SMYD3: variants seen among roughly 807,000 people sequenced by gnomAD.
SMYD3 encodes the protein SET and MYND domain containing 3, also known as histone-lysine N-methyltransferase SMYD3.
In SMYD3, 36 loss-of-function variants were observed where a neutral mutation model predicts 57.7. The observed-to-expected ratio is 0.62, with a 90% CI of 0.48 to 0.82. The LOEUF (loss-of-function observed/expected upper bound fraction) is 0.82. Ranked by LOEUF, SMYD3 falls within the 40% of genes least tolerant of loss-of-function variation. The probability of loss-of-function intolerance (pLI) is 0.00; values close to 1 mark genes in which losing one functional copy is unlikely to be tolerated. For missense variants in SMYD3, 515 were observed against 538.8 expected (o/e 0.96, Z 0.44); for synonymous variants, 211 against 195.0 (o/e 1.08, Z -0.68).
intron 8 of SMYD3, among the ~76,000 whole-genome samples, chr1:245,903,157 G>A (rs2054307153): frequency 1.3e-5 from 2 of 152,068 alleles, no homozygotes. Flanking sequence ...GAACCAAAGA[G>A]AAATCCTAAG....
rs572592790 is a variant in SMYD3 at position 246,489,148 on chromosome 1, C to A, written c.164+17906G>T. Among the ~76,000 whole-genome samples the A allele has an allele frequency of 3.9e-4, 60 of 152,200 alleles. No individual in the cohort carries two copies. The East Asian group carries it at 8.5e-3, about 22-fold the overall frequency. On this transcript the variant is annotated intron_variant, in intron 1 of 11. Coordinates refer to ENST00000490107, the MANE Select transcript of SMYD3 (RefSeq NM_001167740.2). ...GATCACGAGGTCAAGAGATTGAGAT[C>A]ATCCTGGCTAACATGGTGACACCCC... is the stretch of plus-strand genomic sequence containing the variant.
At chr1:246,352,163 A>AAAAAAC (rs2065841841) in intron 2 of SMYD3, among the ~76,000 whole-genome samples, 2 of 136,868 alleles carry the variant, frequency 1.5e-5, no homozygotes, top group Non-Finnish European at 3.2e-5. Flanking sequence ...AAAAAAAAAA[A>AAAAAAC]CATAAAGAAA....
intron 1 of SMYD3, among the ~76,000 whole-genome samples, chr1:246,416,256 C>A (rs571629024): frequency 1.3e-5 from 2 of 152,100 alleles, no homozygotes; most frequent in Non-Finnish European, 2.9e-5. Flanking sequence ...CTTACCCATG[C>A]GGTGTCACTA....
At chr1:245,876,996 G>A (rs2052523795) in intron 8 of SMYD3, among the ~76,000 whole-genome samples, 1 of 152,134 alleles carries the variant, frequency 6.6e-6, no homozygotes, top group Admixed American at 6.5e-5. Flanking sequence ...CGGAGAAGAG[G>A]ATGCATGAGT....
intron 5 of SMYD3, among the ~76,000 whole-genome samples, chr1:246,272,415 T>A (rs1312977370): frequency 6.6e-6 from 1 of 152,222 alleles, no homozygotes; most frequent in East Asian, 1.9e-4. Context: ...CTATGGGTTT[T>A]TCATATATGG....
chr1:245,865,779 G>A (rs1572544855), intron 8 of SMYD3, among the ~76,000 whole-genome samples: 1 of 152,194 alleles, frequency 6.6e-6, no homozygotes, highest in African/African-American at 2.4e-5. Context: ...ATGCGGCTGT[G>A]GCTACCACAC....
chr1:246,416,685 G>A (rs899035722), intron 1 of SMYD3, among the ~76,000 whole-genome samples: 5 of 152,076 alleles, frequency 3.3e-5, no homozygotes, highest in African/African-American at 1.2e-4. Context: ...TATTATTGGG[G>A]CTCAGAAAAT....
intron 5 of SMYD3, among the ~76,000 whole-genome samples, chr1:246,285,733 C>T (rs1349898881): frequency 1.3e-5 from 2 of 152,110 alleles, no homozygotes; most frequent in African/African-American, 2.4e-5. Context: ...AAAATCTTCA[C>T]AATCTATACA....
At chr1:245,978,878 T>C (rs963709924) in intron 5 of SMYD3, among the ~76,000 whole-genome samples, 2 of 152,164 alleles carry the variant, frequency 1.3e-5, no homozygotes, top group Admixed American at 1.3e-4. Flanking sequence ...TTCCACCTTA[T>C]TGATAATGAA....
At chr1:246,124,642 T>C (rs2061477074) in intron 5 of SMYD3, among the ~76,000 whole-genome samples, 1 of 151,454 alleles carries the variant, frequency 6.6e-6, no homozygotes, top group Non-Finnish European at 1.5e-5. Flanking sequence ...AGTAAAAGAG[T>C]GACTACAATA....
intron 5 of SMYD3, among the ~76,000 whole-genome samples, chr1:246,263,349 C>T (rs201181235): frequency 6.6e-6 from 1 of 151,892 alleles, no homozygotes; most frequent in Non-Finnish European, 1.5e-5. Context: ...TGTATGTGAC[C>T]TGGGCACATA....
At chr1:245,804,773 A>C (rs888952558) in intron 10 of SMYD3, among the ~76,000 whole-genome samples, 5 of 152,134 alleles carry the variant, frequency 3.3e-5, no homozygotes, top group Non-Finnish European at 7.4e-5. Flanking sequence ...CCACAGCAAC[A>C]AGGAACCATC....
intron 5 of SMYD3, among the ~76,000 whole-genome samples, chr1:245,938,817 T>C (rs1172245970): frequency 1.3e-5 from 2 of 152,098 alleles, no homozygotes; most frequent in African/African-American, 4.8e-5. Flanking sequence ...ATTCCTGAGT[T>C]GGTAAGTAGC....
chr1:246,098,089 A>G (rs1261135983), intron 5 of SMYD3, among the ~76,000 whole-genome samples: 2 of 152,218 alleles, frequency 1.3e-5, no homozygotes, highest in African/African-American at 4.8e-5. Flanking sequence ...CAAGATAAAC[A>G]AGATACAAAT....
chr1:246,474,519 C>CA (rs35626265), intron 1 of SMYD3, among the ~76,000 whole-genome samples: 17 of 78,800 alleles, frequency 2.2e-4, no homozygotes, highest in South Asian at 4.2e-4. Flanking sequence ...ACTCCCCTCT[C>CA]AAAAAAAAAA....
chr1:245,885,158 G>C (rs2053020196), intron 8 of SMYD3, among the ~76,000 whole-genome samples: 1 of 152,204 alleles, frequency 6.6e-6, no homozygotes, highest in Non-Finnish European at 1.5e-5. Flanking sequence ...CACTCCTGAA[G>C]TCAGCAAGAC....
intron 1 of SMYD3, among the ~76,000 whole-genome samples, chr1:246,370,804 T>C (rs950549410): frequency 1.3e-5 from 2 of 152,252 alleles, no homozygotes; most frequent in African/African-American, 4.8e-5. Flanking sequence ...ACAGACCATT[T>C]ATTAATACCA....
intron 5 of SMYD3, among the ~76,000 whole-genome samples, chr1:246,009,667 T>C (rs1160260279): frequency 6.6e-6 from 1 of 152,050 alleles, no homozygotes; most frequent in Admixed American, 6.5e-5. Flanking sequence ...GTCTCTCCAA[T>C]CAGGTCTTAG....
chr1:246,274,368 C>T (rs1482666383), intron 5 of SMYD3, among the ~76,000 whole-genome samples: 1 of 152,110 alleles, frequency 6.6e-6, no homozygotes, highest in Non-Finnish European at 1.5e-5. Context: ...CTCACAATGC[C>T]TGATTTTTAT....
Sources: gnomAD v4.1 joint callset for allele counts (sites outside exome capture counted in the v4.1 genomes callset) on GRCh38, gnomAD v4.1.1 for gene constraint, MANE v1.5 for transcripts, NCBI Gene and HGNC (gene_info 2026-07-23, HGNC 2026-07-21) for gene names.